Variants in ANKS1B observed in about 807,000 individuals in gnomAD.
ANKS1B encodes the protein ankyrin repeat and sterile alpha motif domain-containing protein 1B.
In ANKS1B, 36 loss-of-function variants were observed where a neutral mutation model predicts 148.3. The observed-to-expected ratio is 0.24, with a 90% confidence interval of 0.19 to 0.32. The LOEUF (loss-of-function observed/expected upper bound fraction) is 0.32. Among genes scored for constraint, ANKS1B ranks in the 10% least tolerant of loss-of-function variants. The pLI, the probability that ANKS1B is intolerant of heterozygous loss-of-function variation, is 1.00. For missense variants in ANKS1B, 1,157 were observed against 1,542.6 expected (o/e 0.75, Z 4.19); for synonymous variants, 542 against 560.8 (o/e 0.97, Z 0.47).
At chr12:99,431,541 A>G (rs1479629719) in intron 11 of ANKS1B, among the ~76,000 whole-genome samples, 1 of 152,238 alleles carries the variant, frequency 6.6e-6, no homozygotes, top group Non-Finnish European at 1.5e-5. Context: ...GGTGGTAGCG[A>G]AAGAAGGCTC....
intron 10 of ANKS1B, among the ~76,000 whole-genome samples, chr12:99,446,961 T>C (rs1432968948): frequency 6.6e-6 from 1 of 152,040 alleles, no homozygotes; most frequent in Non-Finnish European, 1.5e-5. Flanking sequence ...TGTTGAAATG[T>C]CCAGAACTGT....
chr12:99,543,213 C>G (rs2097143099), intron 9 of ANKS1B, among the ~76,000 whole-genome samples: 2 of 151,862 alleles, frequency 1.3e-5, no homozygotes, highest in Non-Finnish European at 1.5e-5. Context: ...CCAATAAGCA[C>G]ATAAAAATAC....
At chr12:99,418,615 A>T (rs979938189) in intron 11 of ANKS1B, among the ~76,000 whole-genome samples, 2 of 152,240 alleles carry the variant, frequency 1.3e-5, no homozygotes, top group Admixed American at 1.3e-4. Context: ...TTTCCTTTCC[A>T]AATCTGTATG....
At position 99,324,658 on chromosome 12, in the gene ANKS1B, T is replaced by C. The variant is rs139240309; in HGVS notation, c.1756+74973A>G. Among the ~76,000 whole-genome samples the C allele has an allele frequency of 2.2e-3, 328 of 152,276 alleles. 4 individuals carry two copies. Among genetic ancestry groups the C allele is most frequent in the Admixed American group, 0.012 (189 of 15,270 alleles). On this transcript the variant is annotated intron_variant, in intron 12 of 26. Transcript: ENST00000683438. ...TGAACAATGCAGAAGTCAAATTTCA[T>C]TGCAGTCCCAGAAATCACTTTATCT...
intron 10 of ANKS1B, among the ~76,000 whole-genome samples, chr12:99,458,208 TA>T (rs2095877896): frequency 6.6e-6 from 1 of 151,728 alleles, no homozygotes; most frequent in African/African-American, 2.4e-5. Flanking sequence ...ATATGAAAAT[TA>T]AAAAATTTAC....
chr12:99,247,131 A>G (rs568458827), intron 12 of ANKS1B, among the ~76,000 whole-genome samples: 9 of 152,162 alleles, frequency 5.9e-5, no homozygotes, highest in Non-Finnish European at 1.2e-4. Context: ...TATTAATTGA[A>G]TGACTTCATT....
intron 10 of ANKS1B, among the ~76,000 whole-genome samples, chr12:99,464,330 C>CA: frequency 6.6e-6 from 1 of 152,178 alleles, no homozygotes; most frequent in East Asian, 1.9e-4. Flanking sequence ...GATAAAACTA[C>CA]AAAGATGGGG....
At chr12:98,980,497 C>T (rs756640470) in intron 17 of ANKS1B, among the ~76,000 whole-genome samples, 53 of 152,330 alleles carry the variant, frequency 3.5e-4, no homozygotes, top group Middle Eastern at 3.4e-3. Context: ...TGAGCCACCG[C>T]GCCCGGCCGC....
At chr12:98,833,503 C>T (rs565727221) in intron 17 of ANKS1B, among the ~76,000 whole-genome samples, 7 of 152,138 alleles carry the variant, frequency 4.6e-5, no homozygotes, top group Non-Finnish European at 1.0e-4. Flanking sequence ...CCCATGTGTA[C>T]ATTTTTCTCT....
chr12:99,317,280 T>C (rs1051611257), intron 12 of ANKS1B, among the ~76,000 whole-genome samples: 2 of 152,240 alleles, frequency 1.3e-5, no homozygotes. Context: ...TTTCACGATA[T>C]TGATTCTTCC....
At chr12:98,917,417 C>T (rs1373428205) in intron 17 of ANKS1B, among the ~76,000 whole-genome samples, 1 of 152,150 alleles carries the variant, frequency 6.6e-6, no homozygotes, top group Non-Finnish European at 1.5e-5. Flanking sequence ...GCAAACCTAA[C>T]ATCTCATTGC....
chr12:99,782,520 C>T (rs2064457245), intron 4 of ANKS1B, among the ~76,000 whole-genome samples: 1 of 152,192 alleles, frequency 6.6e-6, no homozygotes, highest in South Asian at 2.1e-4. Context: ...GATCATGCCA[C>T]TGCACTCCAA....
intron 12 of ANKS1B, among the ~76,000 whole-genome samples, chr12:99,275,248 T>G (rs991931397): frequency 1.3e-5 from 2 of 152,256 alleles, no homozygotes; most frequent in African/African-American, 4.8e-5. Context: ...GATAAATTAA[T>G]GTTGACTATC....
At chr12:98,855,602 A>G (rs1485860353) in intron 17 of ANKS1B, among the ~76,000 whole-genome samples, 1 of 152,236 alleles carries the variant, frequency 6.6e-6, no homozygotes, top group Non-Finnish European at 1.5e-5. Flanking sequence ...AAGAAAATAT[A>G]CGCAGGATAA....
intron 4 of ANKS1B, among the ~76,000 whole-genome samples, chr12:99,803,260 T>C (rs1487886437): frequency 1.6e-5 from 1 of 61,702 alleles, no homozygotes; most frequent in Non-Finnish European, 3.4e-5. Flanking sequence ...ATTTGAGTAA[T>C]AAAATTAAAT....
chr12:99,506,399 AT>A (rs1451563831), intron 9 of ANKS1B, among the ~76,000 whole-genome samples: 1 of 152,014 alleles, frequency 6.6e-6, no homozygotes, highest in Non-Finnish European at 1.5e-5. Flanking sequence ...CAGAGAGTCA[AT>A]TATGGTCATG....
intron 8 of ANKS1B, among the ~76,000 whole-genome samples, chr12:99,738,113 T>A (rs371097699): frequency 9.8e-5 from 15 of 152,296 alleles, no homozygotes; most frequent in African/African-American, 3.6e-4. Context: ...TTCTTTGGGA[T>A]GAACACAGAC....
chr12:99,229,941 T>C (rs2712655), intron 14 of ANKS1B, among the ~76,000 whole-genome samples: 125,536 of 151,800 alleles, frequency 0.83, 52,286 homozygotes, highest in East Asian at 0.99. Context: ...TTATATATAC[T>C]GGAAATATGA....
intron 17 of ANKS1B, among the ~76,000 whole-genome samples, chr12:99,033,178 G>A (rs2099953349): frequency 6.6e-6 from 1 of 152,150 alleles, no homozygotes; most frequent in Non-Finnish European, 1.5e-5. Context: ...CAAATATGTG[G>A]GGATGAGCTT....
Sources: allele counts gnomAD v4.1 joint callset (sites outside exome capture counted in the v4.1 genomes callset), GRCh38; gene constraint gnomAD v4.1.1; transcripts MANE v1.5; gene names NCBI Gene and HGNC (gene_info 2026-07-23, HGNC 2026-07-21).